ACSM1: variants seen among roughly 807,000 people sequenced by gnomAD.
ACSM1 encodes acyl-CoA synthetase medium chain family member 1.
A neutral mutation model predicts 75.8 loss-of-function variants in ACSM1; 79 were observed. The ratio of observed to expected loss-of-function variants is 1.04; its 90% CI spans 0.87 to 1.26. The LOEUF is 1.26. Ranked by LOEUF, ACSM1 falls within the 50% of genes most tolerant of loss-of-function variation. The pLI is 0.00. For synonymous variants in ACSM1, 279 were observed against 265.8 expected, an observed-to-expected ratio of 1.05 and a Z score of -0.48; for missense variants, 676 against 720.1, an observed-to-expected ratio of 0.94 and a Z score of 0.70.
intron 2 of ACSM1, among the ~76,000 whole-genome samples, chr16:20,689,699 T>C (rs2079618028): frequency 6.6e-6 from 1 of 152,242 alleles, no homozygotes; most frequent in Non-Finnish European, 1.5e-5. Context: ...TATATAGTAA[T>C]GTTCACCCAT....
intron 8 of ACSM1, 133 bp from the exon 9 acceptor site, chr16:20,637,584 C>T (rs1270152039): frequency 1.3e-5 from 10 of 793,168 alleles, no homozygotes; most frequent in Non-Finnish European, 1.9e-5. Context: ...AAAGAGCCCT[C>T]GTAGGGAAGC....
At chr16:20,639,199 T>C (rs1286009841) in intron 8 of ACSM1, among the ~76,000 whole-genome samples, 1 of 152,150 alleles carries the variant, frequency 6.6e-6, no homozygotes, top group Admixed American at 6.6e-5. Flanking sequence ...CACACTGTAA[T>C]TGATGAGGTC....
intron 2 of ACSM1, among the ~76,000 whole-genome samples, chr16:20,686,268 A>C (rs2079552573): frequency 6.6e-6 from 1 of 152,144 alleles, no homozygotes; most frequent in Admixed American, 6.6e-5. Context: ...GCAGACTAGG[A>C]AGCTCCAGGC....
chr16:20,637,501 T>C (rs2017797696), intron 8 of ACSM1, 50 bp from the exon 9 acceptor site: 2 of 1,469,570 alleles, frequency 1.4e-6, no homozygotes, highest in Non-Finnish European at 1.9e-6. Context: ...GCCAGGCTGA[T>C]CACAAAGCAG....
intron 7 of ACSM1, among the ~76,000 whole-genome samples, chr16:20,647,981 T>G (rs2018452426): frequency 6.6e-6 from 1 of 152,232 alleles, no homozygotes; most frequent in Non-Finnish European, 1.5e-5. Flanking sequence ...GTTCCTTTGT[T>G]GGATTACCAA....
chr16:20,628,161 T>C (rs879802182), intron 10 of ACSM1, among the ~76,000 whole-genome samples: 2 of 151,980 alleles, frequency 1.3e-5, no homozygotes, highest in Non-Finnish European at 2.9e-5. Flanking sequence ...CATGTAGTTA[T>C]AAAAAATAAT....
At chr16:20,649,563 G>C (rs2152234411) in intron 7 of ACSM1, among the ~76,000 whole-genome samples, 1 of 152,138 alleles carries the variant, frequency 6.6e-6, no homozygotes, top group Middle Eastern at 3.4e-3. Flanking sequence ...CTCTCTCTCT[G>C]ATGTCTGGTA....
intron 6 of ACSM1, among the ~76,000 whole-genome samples, chr16:20,668,173 C>T (rs1451533686): frequency 2.0e-5 from 3 of 152,082 alleles, no homozygotes; most frequent in Admixed American, 1.3e-4. Context: ...ATTTAAAAGA[C>T]TTTTTGTTTT....
intron 1 of ACSM1, among the ~76,000 whole-genome samples, chr16:20,693,052 C>A (rs917587643): frequency 6.6e-6 from 1 of 151,978 alleles, no homozygotes; most frequent in Non-Finnish European, 1.5e-5. Flanking sequence ...TGCCTGTAGT[C>A]CCAGCTACTG....
At chr16:20,688,816 A>G (rs2079600634) in intron 2 of ACSM1, among the ~76,000 whole-genome samples, 1 of 151,986 alleles carries the variant, frequency 6.6e-6, no homozygotes. Flanking sequence ...GAACTCAAAT[A>G]TGAAAATGTA....
At chr16:20,669,733 C>A in intron 6 of ACSM1, 94 bp downstream of exon 6, 2 of 1,319,454 alleles carry the variant, frequency 1.5e-6, no homozygotes. Context: ...GGCTCATGGG[C>A]TTCTTTGCTT....
intron 8 of ACSM1, among the ~76,000 whole-genome samples, chr16:20,640,061 A>G (rs1240193093): frequency 6.6e-6 from 1 of 152,226 alleles, no homozygotes; most frequent in Non-Finnish European, 1.5e-5. Flanking sequence ...TCACACGTAT[A>G]GGACAAAGAA....
chr16:20,670,903 A>G (rs2019859574), intron 5 of ACSM1, among the ~76,000 whole-genome samples: 1 of 152,212 alleles, frequency 6.6e-6, no homozygotes, highest in Admixed American at 6.5e-5. Flanking sequence ...ATGTTAATAC[A>G]TTAAAAAATA....
chr16:20,623,370 G>C lies in ACSM1; in HGVS notation c.*116C>G. 1 of 858,370 alleles carries C rather than the reference G, an allele frequency of 1.2e-6. No individual in the cohort carries two copies. Among genetic ancestry groups the C allele is most frequent in the Non-Finnish European group, 1.9e-6 (1 of 531,108 alleles). The allele number at this position is 858,370 out of a possible 1,614,324, so 53.2% of individuals were successfully genotyped here. ...AAAACATTGGAATCATGGCACTCCTGATACTTTCCCAAATCAACACTCTCA... is the reference window on the plus strand; with the variant it reads ...AAAACATTGGAATCATGGCACTCCTCATACTTTCCCAAATCAACACTCTCA... On this transcript the variant is annotated 3_prime_UTR_variant, in exon 14 of 14. Coordinates refer to ENST00000520010, the MANE Select transcript of ACSM1 (RefSeq NM_001318890.3).
chr16:20,694,846 G>C (rs950099259), intron 1 of ACSM1, among the ~76,000 whole-genome samples: 1 of 152,066 alleles, frequency 6.6e-6, no homozygotes, highest in Non-Finnish European at 1.5e-5. Context: ...AATATGACTG[G>C]TGTCCTTATA....
chr16:20,639,716 A>G (rs767042559), intron 8 of ACSM1, among the ~76,000 whole-genome samples: 4 of 152,242 alleles, frequency 2.6e-5, no homozygotes, highest in Non-Finnish European at 2.9e-5. Flanking sequence ...AATGCTGTGC[A>G]TGCGATGGGG....
At chr16:20,690,864 T>C in intron 2 of ACSM1, 133 bp downstream of exon 2, 1 of 820,418 alleles carries the variant, frequency 1.2e-6, no homozygotes, top group Non-Finnish European at 1.8e-6. Context: ...CCTTGAAATA[T>C]AAGCTTCTTC....
chr16:20,662,037 C>T lies in ACSM1; in HGVS notation c.913-164G>A, dbSNP rs571345979. Among the ~76,000 whole-genome samples the T allele has an allele frequency of 2.0e-5, 3 of 152,308 alleles. No homozygotes were observed. The East Asian group carries it at 5.8e-4, about 29-fold the overall frequency. On this transcript the variant is annotated intron_variant, in intron 6 of 13. Coordinates refer to ENST00000520010, the MANE Select transcript of ACSM1 (RefSeq NM_001318890.3). ...GAGCATGGATTTCATACATGGTATG[C>T]ATCAGGTACTGTTGGGGAAATACAA... is the stretch of plus-strand genomic sequence containing the variant.
At position 20,691,024 on chromosome 16, in the gene ACSM1, T is replaced by C. The variant is rs201620806; in HGVS notation, c.165A>G (p.Val55=). ...TCTCCTTTTGAGCCCAGTAGTCCAG[T>C]ACATAACTTGCAAAGTTAAATTCCT... ...VPEEFNFASY[V]LDYWAQKEKE... is the part of the protein sequence containing the mutation. The change falls in exon 2 of 14, where the codon GTA becomes GTG. Residue 55 remains valine (V), a synonymous_variant. Transcript: ENST00000520010. The C allele has an allele frequency of 1.2e-4, 193 of 1,613,652 alleles. 1 individual carries two copies. In the East Asian group the frequency reaches 1.2e-3, roughly 10 times the overall value.
Sources: gnomAD v4.1 joint callset for allele counts (sites outside exome capture counted in the v4.1 genomes callset) on GRCh38, gnomAD v4.1.1 for gene constraint, MANE v1.5 for transcripts, NCBI Gene and HGNC (gene_info 2026-07-23, HGNC 2026-07-21) for gene names.